Variants in SLC4A4 observed in about 807,000 individuals in gnomAD.
The protein encoded by SLC4A4 is electrogenic sodium bicarbonate cotransporter 1.
Under a neutral mutation model 111.5 loss-of-function variants are expected in SLC4A4, and 27 were observed. That is an observed-to-expected ratio of 0.24 (90% confidence interval 0.18 to 0.33). The LOEUF is 0.33. Among genes scored for constraint, SLC4A4 ranks in the 10% least tolerant of loss-of-function variants. SLC4A4 has a pLI of 1.00. For missense variants in SLC4A4, 909 were observed against 1,315.5 expected, an observed-to-expected ratio of 0.69 and a Z score of 4.78; for synonymous variants, 443 against 463.4, an observed-to-expected ratio of 0.96 and a Z score of 0.57.
rs1223588049 is a variant in SLC4A4 at position 71,177,201 on chromosome 4, C to A, written c.-1-59375C>A. Among the ~76,000 whole-genome samples the A allele has an allele frequency of 2.6e-5, 4 of 152,286 alleles. No individual in the cohort carries two copies. In the South Asian group the frequency reaches 6.2e-4, roughly 24 times the overall value. On this transcript the variant is annotated intron_variant, in intron 2 of 26. Coordinates refer to the SLC4A4 transcript ENST00000649996. Reference sequence around the variant, plus strand: ...AAGCACTAAACATGGAAAGGAATAACCAGTACCAGCCACTGCAAAAACATG... The same window carrying A: ...AAGCACTAAACATGGAAAGGAATAAACAGTACCAGCCACTGCAAAAACATG...
intron 2 of SLC4A4, among the ~76,000 whole-genome samples, chr4:71,100,997 C>T (rs112877100): frequency 0.013 from 1,949 of 152,294 alleles, 38 homozygotes; most frequent in East Asian, 0.049. Flanking sequence ...TGGTGGCTCA[C>T]GCCTGTAATC....
chr4:71,178,113 G>T lies in SLC4A4; in HGVS notation c.-1-58463G>T, dbSNP rs1287614077. 3.9e-5 allele frequency among the ~76,000 whole-genome samples: 6 copies of T among 152,088 alleles called. No homozygotes were observed. The East Asian group carries it at 9.6e-4, about 24-fold the overall frequency. On this transcript the variant is annotated intron_variant, in intron 2 of 26. Transcript: ENST00000649996. ...ATAACGAAATGAAGGCAGAAATAAA[G>T]ATGTTCTTTGAAACCAACGAGAAAA...
At chr4:71,351,813 C>A (rs1307218961) in intron 5 of SLC4A4, among the ~76,000 whole-genome samples, 1 of 152,200 alleles carries the variant, frequency 6.6e-6, no homozygotes, top group Non-Finnish European at 1.5e-5. Flanking sequence ...GTGCCAGACA[C>A]TGTTCTAGGC....
At chr4:71,151,050 T>C (rs879767717) in intron 2 of SLC4A4, among the ~76,000 whole-genome samples, 3 of 152,248 alleles carry the variant, frequency 2.0e-5, no homozygotes, top group African/African-American at 7.2e-5. Context: ...TGGCTGTTTA[T>C]ATTTAATTTT....
chr4:71,232,693 G>A (rs991444940), intron 1 of SLC4A4, among the ~76,000 whole-genome samples: 5 of 152,212 alleles, frequency 3.3e-5, no homozygotes, highest in African/African-American at 7.2e-5. Flanking sequence ...ATTACAGGCT[G>A]AGCCACTGTG....
chr4:71,510,942 G>T (rs1578079294), intron 16 of SLC4A4, among the ~76,000 whole-genome samples: 1 of 152,058 alleles, frequency 6.6e-6, no homozygotes, highest in East Asian at 1.9e-4. Flanking sequence ...ATTATAACAG[G>T]CTATTTTAAG....
chr4:71,146,533 A>G (rs1744176670), intron 2 of SLC4A4, among the ~76,000 whole-genome samples: 1 of 152,130 alleles, frequency 6.6e-6, no homozygotes, highest in Admixed American at 6.6e-5. Context: ...CACCTGTCTA[A>G]TGTGGACAGT....
chr4:71,183,442 C>T (rs1745364361), upstream of SLC4A4, among the ~76,000 whole-genome samples: 2 of 152,096 alleles, frequency 1.3e-5, no homozygotes. Context: ...TATTTTTAAA[C>T]CTGGGGTTTG....
chr4:71,083,493 T>C (rs1227805921), intron 1 of SLC4A4, among the ~76,000 whole-genome samples: 2 of 152,004 alleles, frequency 1.3e-5, no homozygotes, highest in Admixed American at 1.3e-4. Context: ...TGATTCTGAT[T>C]ATTAAGGTAA....
chr4:71,135,025 A>C (rs1465007846), intron 2 of SLC4A4, among the ~76,000 whole-genome samples: 1 of 152,222 alleles, frequency 6.6e-6, no homozygotes, highest in African/African-American at 2.4e-5. Context: ...CCATGAGTCC[A>C]TCGCTGGGCT....
At chr4:71,314,594 AG>A (rs1726515535) in intron 3 of SLC4A4, among the ~76,000 whole-genome samples, 2 of 152,226 alleles carry the variant, frequency 1.3e-5, no homozygotes, top group Non-Finnish European at 2.9e-5. Flanking sequence ...GCCATAAAAA[AG>A]AATGAGTTCA....
chr4:71,435,019 C>A (rs1691476552), intron 7 of SLC4A4, among the ~76,000 whole-genome samples: 1 of 152,136 alleles, frequency 6.6e-6, no homozygotes, highest in African/African-American at 2.4e-5. Context: ...AGATTCAATG[C>A]TATTCCCATC....
At chr4:71,407,041 T>G (rs565295522) in intron 7 of SLC4A4, among the ~76,000 whole-genome samples, 1 of 152,276 alleles carries the variant, frequency 6.6e-6, no homozygotes, top group African/African-American at 2.4e-5. Flanking sequence ...ATCTAAATGA[T>G]AGAGCTGCAT....
chr4:71,506,915 G>A (rs1257621902), intron 16 of SLC4A4, among the ~76,000 whole-genome samples: 1 of 152,102 alleles, frequency 6.6e-6, no homozygotes, highest in East Asian at 1.9e-4. Context: ...AATCCTATGA[G>A]CCAGAAGAGA....
chr4:71,491,426 T>G (rs994145526), intron 15 of SLC4A4, among the ~76,000 whole-genome samples: 2 of 151,954 alleles, frequency 1.3e-5, no homozygotes, highest in South Asian at 4.1e-4. Flanking sequence ...GGCTACTGCC[T>G]ATGTGGAGTT....
intron 7 of SLC4A4, among the ~76,000 whole-genome samples, chr4:71,408,977 A>G (rs1721118104): frequency 1.3e-5 from 2 of 152,130 alleles, no homozygotes; most frequent in South Asian, 2.1e-4. Flanking sequence ...CATGAGATCT[A>G]TGGGCTTATC....
rs140171698 is a variant in SLC4A4, at chr4:71,289,822, G to A, written c.253+34423G>A. ...ACAAGCACACAGGCTAGGACAAGGC[G>A]GAACTTCCATGGCCGTGGATAATTT... is the stretch of plus-strand genomic sequence containing the variant. On this transcript the variant is annotated intron_variant, in intron 3 of 25. Coordinates refer to ENST00000264485, the MANE Select transcript of SLC4A4 (RefSeq NM_001098484.3). 1.2e-4 allele frequency among the ~76,000 whole-genome samples: 19 copies of A among 152,320 alleles called. No homozygotes were observed. In the East Asian group the frequency reaches 2.1e-3, roughly 17 times the overall value.
At chr4:71,536,472 A>T (rs1215234737) in intron 18 of SLC4A4, among the ~76,000 whole-genome samples, 3 of 87,190 alleles carry the variant, frequency 3.4e-5, no homozygotes, top group Admixed American at 1.4e-4. Flanking sequence ...ATACATATAT[A>T]TATATATATA....
rs1723988782 is a variant in SLC4A4, at chr4:71,434,996, C to A, written c.808-5620C>A. On this transcript the variant is annotated intron_variant, in intron 7 of 25. Transcript: ENST00000264485. The stretch of plus-strand genomic sequence containing the variant: ...ATTGTGAAAATTTGGCCATACTGCC[C>A]AAAGTAATTTATAGATTCAATGCTA... Among the ~76,000 whole-genome samples the A allele has an allele frequency of 2.0e-5, 3 of 152,104 alleles. No homozygotes were observed. The South Asian group carries it at 6.2e-4, about 32-fold the overall frequency.
Sources: allele counts gnomAD v4.1 joint callset (sites outside exome capture counted in the v4.1 genomes callset), GRCh38; gene constraint gnomAD v4.1.1; transcripts MANE v1.5; gene names NCBI Gene and HGNC (gene_info 2026-07-23, HGNC 2026-07-21).